Variants in DTL observed in about 807,000 individuals in gnomAD.
DTL encodes the protein denticleless protein homolog.
DTL carries 46 observed loss-of-function variants against 87.0 expected under a neutral mutation model. That is an observed-to-expected ratio of 0.53 (90% CI 0.42 to 0.68). The LOEUF (loss-of-function observed/expected upper bound fraction) is 0.68, where lower values mean the gene tolerates loss of function less well. Ranked by LOEUF, DTL falls within the 30% of genes least tolerant of loss-of-function variation. The pLI, the probability that DTL is intolerant of heterozygous loss-of-function variation, is 0.00. For synonymous variants in DTL, 308 were observed against 311.2 expected (o/e 0.99, Z 0.11); for missense variants, 737 against 869.4 (o/e 0.85, Z 1.91).
Position 212,044,629 on chromosome 1 carries a change from C to CGT in DTL, c.179-31_179-30insGT. 10 of 1,310,976 alleles carry CGT rather than the reference C, an allele frequency of 7.6e-6. 2 individuals are homozygous for CGT. The highest frequency in any genetic ancestry group is 1.1e-5 in the Non-Finnish European group (10 of 928,354). The allele number at this position is 1,310,976 out of a possible 1,614,324, so 81.2% of individuals were successfully genotyped here. On this transcript the variant is annotated intron_variant, in intron 2 of 14. Coordinates refer to ENST00000366991, the MANE Select transcript of DTL (RefSeq NM_016448.4). ...AAAAAAAAAAAAAAATTGTGTTACT[C>CGT]TATATATTTTTTTCTTTATTTCTGC...
intron 14 of DTL, among the ~76,000 whole-genome samples, 157 bp downstream of exon 14, chr1:212,101,241 C>T (rs1226069155): frequency 6.6e-6 from 1 of 151,438 alleles, no homozygotes; most frequent in East Asian, 1.9e-4. Context: ...ACAAATTTTG[C>T]ATGGGCCATA....
chr1:212,066,744 C>A (rs1654517720), intron 7 of DTL, 68 bp from the exon 8 acceptor site: 2 of 1,490,828 alleles, frequency 1.3e-6, no homozygotes, highest in Non-Finnish European at 1.9e-6. Context: ...TTTTTTAGCA[C>A]CTTGTTCCCT....
chr1:212,057,057 T>A (rs1286562090), intron 5 of DTL, among the ~76,000 whole-genome samples: 2 of 152,028 alleles, frequency 1.3e-5, no homozygotes, highest in African/African-American at 4.8e-5. Flanking sequence ...AAAGATAAAA[T>A]GAAAGGGTTA....
intron 5 of DTL, among the ~76,000 whole-genome samples, chr1:212,059,731 C>A (rs1182657267): frequency 3.0e-5 from 4 of 132,398 alleles, no homozygotes; most frequent in Non-Finnish European, 6.2e-5. Context: ...GTTGTATTTT[C>A]CTTGGCTGAT....
chr1:212,097,946 G>A (rs984243766), intron 13 of DTL, among the ~76,000 whole-genome samples: 3 of 152,158 alleles, frequency 2.0e-5, no homozygotes, highest in African/African-American at 4.8e-5. Context: ...CCCTTCCCTA[G>A]GGGTGGGGCT....
At chr1:212,095,341 T>C (rs2102583460) in intron 13 of DTL, among the ~76,000 whole-genome samples, 1 of 152,318 alleles carries the variant, frequency 6.6e-6, no homozygotes, top group Non-Finnish European at 1.5e-5. Context: ...TCTGCTTCTA[T>C]TGAAGTGATC....
At chr1:212,066,047 G>A (rs917898912) in intron 7 of DTL, among the ~76,000 whole-genome samples, 1 of 152,128 alleles carries the variant, frequency 6.6e-6, no homozygotes, top group African/African-American at 2.4e-5. Context: ...AAACACATGG[G>A]TAGAACATAG....
chr1:212,069,866 G>A (rs530777534), intron 10 of DTL, among the ~76,000 whole-genome samples: 5 of 152,134 alleles, frequency 3.3e-5, no homozygotes, highest in African/African-American at 1.2e-4. Context: ...TTTTAGCTGA[G>A]ATCTTACAGA....
chr1:212,086,864 T>C (rs1037301219), intron 13 of DTL, among the ~76,000 whole-genome samples: 3 of 152,214 alleles, frequency 2.0e-5, no homozygotes, highest in Admixed American at 1.3e-4. Flanking sequence ...AAAATAAGAT[T>C]CCCAAAGGTG....
intron 5 of DTL, among the ~76,000 whole-genome samples, chr1:212,050,306 G>A (rs1243501595): frequency 6.6e-6 from 1 of 152,104 alleles, no homozygotes; most frequent in African/African-American, 2.4e-5. Flanking sequence ...CCCTACATAG[G>A]TAGGATACAA....
intron 11 of DTL, among the ~76,000 whole-genome samples, chr1:212,073,570 G>A (rs897909542): frequency 9.2e-5 from 14 of 152,116 alleles, no homozygotes; most frequent in African/African-American, 3.4e-4. Flanking sequence ...TTCCAATCCT[G>A]AGGGAAGTAC....
intron 5 of DTL, among the ~76,000 whole-genome samples, chr1:212,055,962 G>A (rs1668161902): frequency 6.6e-6 from 1 of 152,186 alleles, no homozygotes; most frequent in Admixed American, 6.5e-5. Flanking sequence ...ACCATAGCTG[G>A]CACCAACCTG....
chr1:212,036,454 A>C (rs1667465674), intron 1 of DTL, among the ~76,000 whole-genome samples: 3 of 152,196 alleles, frequency 2.0e-5, no homozygotes, highest in Admixed American at 2.0e-4. Context: ...TTCCCCGTTT[A>C]CTACACGGTC....
chr1:212,062,612 ATTC>A (rs1176942052), intron 5 of DTL, among the ~76,000 whole-genome samples: 6 of 152,312 alleles, frequency 3.9e-5, no homozygotes, highest in Non-Finnish European at 8.8e-5. Context: ...CTTGATTGTT[ATTC>A]TTATTACAAC....
chr1:212,036,328 T>C (rs1250992819), intron 1 of DTL, among the ~76,000 whole-genome samples: 4 of 152,188 alleles, frequency 2.6e-5, no homozygotes, highest in African/African-American at 9.7e-5. Flanking sequence ...TTGTAGAATC[T>C]TAGTGAGCCC....
intron 13 of DTL, among the ~76,000 whole-genome samples, chr1:212,091,642 AG>A (rs1655285506): frequency 6.6e-6 from 1 of 152,246 alleles, no homozygotes; most frequent in Non-Finnish European, 1.5e-5. Context: ...TTGCAACAAC[AG>A]GGATGAACCT....
At position 212,044,741 on chromosome 1, in the gene DTL, G is replaced by C; in HGVS notation, c.260G>C (p.Arg87Thr). Residue 87 changes from arginine (R) to threonine (T), a missense_variant, in exon 3 of 15, where the codon AGA becomes ACA. By Grantham distance (71) the Arg-to-Thr change is moderately conservative. Transcript: ENST00000366991. ...TATAACACAGAATCACAAAGTTTCA[G>C]AAAGAAGTGCTTCAAAGGTAAGTCT... ...RLYNTESQSF[R>T]KKCFKEWMAH... 1 of 1,611,974 alleles carries C rather than the reference G, an allele frequency of 6.2e-7. No individual in the cohort carries two copies.
chr1:212,048,691 T>C (rs1176386935), intron 5 of DTL, among the ~76,000 whole-genome samples: 1 of 152,210 alleles, frequency 6.6e-6, no homozygotes, highest in Admixed American at 6.5e-5. Context: ...CTTCCATTTG[T>C]TTCTCACTAA....
At chr1:212,055,732 T>G (rs1413206273) in intron 5 of DTL, among the ~76,000 whole-genome samples, 2 of 152,180 alleles carry the variant, frequency 1.3e-5, no homozygotes, top group African/African-American at 4.8e-5. Context: ...AGCATTCCAC[T>G]GGAAGCCTGG....
Sources: gnomAD v4.1 joint callset for allele counts (sites outside exome capture counted in the v4.1 genomes callset) on GRCh38, gnomAD v4.1.1 for gene constraint, MANE v1.5 for transcripts, NCBI Gene and HGNC (gene_info 2026-07-23, HGNC 2026-07-21) for gene names.